Variants in C8orf34 observed in about 807,000 individuals in gnomAD.
C8orf34 encodes the protein chromosome 8 open reading frame 34.
Under a neutral mutation model 68.3 loss-of-function variants are expected in C8orf34, and 65 were observed. The observed-to-expected ratio is 0.95, with a 90% CI of 0.78 to 1.17. C8orf34 has a LOEUF of 1.17. Among genes scored for constraint, C8orf34 ranks in the 50% most tolerant of loss-of-function variants. The probability of loss-of-function intolerance (pLI) is 0.00; values close to 1 mark genes in which losing one functional copy is unlikely to be tolerated. For missense variants in C8orf34, 664 were observed against 655.4 expected (o/e 1.01, Z -0.14); for synonymous variants, 244 against 241.2 (o/e 1.01, Z -0.11).
At chr8:68,544,900 A>G (rs896193856) in intron 7 of C8orf34, among the ~76,000 whole-genome samples, 2 of 152,200 alleles carry the variant, frequency 1.3e-5, no homozygotes, top group Middle Eastern at 3.2e-3. Flanking sequence ...GGTCAGTGCA[A>G]CATACAAAAT....
At position 68,354,864 on chromosome 8, in the gene C8orf34, A is replaced by T. The variant is rs115194024; in HGVS notation, c.327+23525A>T. Among the ~76,000 whole-genome samples the T allele has an allele frequency of 6.5e-3, 986 of 152,254 alleles. 10 individuals carry two copies. Among genetic ancestry groups the T allele is most frequent in the African/African-American group, 0.022 (914 of 41,550 alleles). The stretch of plus-strand genomic sequence containing the variant: ...GTGCATCTGTGCAATAGCCCTGTAC[A>T]GATGCACAGTGTACAGATACTGTAG... On this transcript the variant is annotated intron_variant, in intron 1 of 13. Coordinates refer to ENST00000518698, the MANE Select transcript of C8orf34 (RefSeq NM_052958.4).
At chr8:68,612,709 AT>A (rs1377749525) in intron 7 of C8orf34, among the ~76,000 whole-genome samples, 2 of 152,154 alleles carry the variant, frequency 1.3e-5, no homozygotes, top group African/African-American at 2.4e-5. Context: ...AGAAAATAAA[AT>A]ATCAATGAAA....
chr8:68,767,640 T>A (rs1823219164), intron 10 of C8orf34, among the ~76,000 whole-genome samples: 1 of 152,230 alleles, frequency 6.6e-6, no homozygotes, highest in African/African-American at 2.4e-5. Context: ...CATTCATGCA[T>A]GCATTCATTC....
chr8:68,652,728 T>C (rs2130783320), intron 8 of C8orf34, among the ~76,000 whole-genome samples: 1 of 152,324 alleles, frequency 6.6e-6, no homozygotes, highest in Non-Finnish European at 1.5e-5. Context: ...TCTTAAGTGC[T>C]TTCTAATATA....
chr8:68,428,322 A>G (rs1010259386), intron 1 of C8orf34, among the ~76,000 whole-genome samples: 23 of 152,080 alleles, frequency 1.5e-4, no homozygotes, highest in African/African-American at 5.6e-4. Flanking sequence ...ATCTAAATGC[A>G]TGCTAATGGT....
chr8:68,587,160 C>T (rs1817234054), intron 7 of C8orf34, among the ~76,000 whole-genome samples: 1 of 152,044 alleles, frequency 6.6e-6, no homozygotes, highest in Admixed American at 6.6e-5. Flanking sequence ...GACCTTGGGA[C>T]AATTACTCAT....
intron 8 of C8orf34, among the ~76,000 whole-genome samples, chr8:68,661,104 G>A (rs779033566): frequency 5.9e-5 from 9 of 152,318 alleles, no homozygotes; most frequent in African/African-American, 1.2e-4. Flanking sequence ...AGCTGGCCAC[G>A]CCGGGGCCTT....
At chr8:68,647,003 C>A (rs1172197729) in intron 8 of C8orf34, among the ~76,000 whole-genome samples, 2 of 152,174 alleles carry the variant, frequency 1.3e-5, no homozygotes, top group Non-Finnish European at 2.9e-5. Flanking sequence ...CTGAATAGAG[C>A]CAACCCACAG....
intron 8 of C8orf34, among the ~76,000 whole-genome samples, chr8:68,685,806 G>A (rs1820498233): frequency 6.6e-6 from 1 of 151,880 alleles, no homozygotes; most frequent in Admixed American, 6.6e-5. Context: ...AGCCTGGGGA[G>A]GTTGAGGCTG....
chr8:68,373,363 A>G (rs1312504417), intron 1 of C8orf34, among the ~76,000 whole-genome samples: 1 of 152,176 alleles, frequency 6.6e-6, no homozygotes, highest in Non-Finnish European at 1.5e-5. Context: ...AGATGGGGGA[A>G]AAGGGAAGAG....
chr8:68,371,789 GTGA>G (rs1362553537), intron 1 of C8orf34, among the ~76,000 whole-genome samples: 9 of 151,978 alleles, frequency 5.9e-5, no homozygotes, highest in African/African-American at 2.2e-4. Context: ...TAGTAGAGAG[GTGA>G]TTTCACCATG....
chr8:68,333,858 G>T (rs549091388), intron 1 of C8orf34, among the ~76,000 whole-genome samples: 1 of 152,322 alleles, frequency 6.6e-6, no homozygotes, highest in South Asian at 2.1e-4. Flanking sequence ...GTTGTGTTGA[G>T]TCAGTGTAGC....
intron 7 of C8orf34, among the ~76,000 whole-genome samples, chr8:68,621,858 T>C (rs989882173): frequency 2.6e-5 from 4 of 152,216 alleles, no homozygotes; most frequent in Non-Finnish European, 2.9e-5. Context: ...TATAGCTGTG[T>C]AATAAATGAT....
rs540428236 is a variant in C8orf34 at position 68,779,239 on chromosome 8, C to T, written c.1455+2790C>T. Among the ~76,000 whole-genome samples, 731 of 149,174 alleles carry T rather than the reference C, an allele frequency of 4.9e-3. 3 individuals are homozygous for T. Among genetic ancestry groups the T allele is most frequent in the Non-Finnish European group, 7.9e-3 (531 of 67,512 alleles). ...CACACACACACACACACTACCCAGACGAATAACTGGGAAGCAGCGTAGTAT... is the reference window on the plus strand; with the variant it reads ...CACACACACACACACACTACCCAGATGAATAACTGGGAAGCAGCGTAGTAT... On this transcript the variant is annotated intron_variant, in intron 11 of 13. Transcript: ENST00000518698.
chr8:68,566,746 G>A (rs1209853225), intron 7 of C8orf34, among the ~76,000 whole-genome samples: 1 of 152,184 alleles, frequency 6.6e-6, no homozygotes, highest in Non-Finnish European at 1.5e-5. Context: ...TCAGCAATAA[G>A]GCGTTGTGCT....
chr8:68,404,860 C>CT (rs1208060744), intron 1 of C8orf34, among the ~76,000 whole-genome samples: 1 of 151,710 alleles, frequency 6.6e-6, no homozygotes, highest in Admixed American at 6.6e-5. Flanking sequence ...TATGTGGGCT[C>CT]TTTTTTTGAA....
chr8:68,586,262 A>G (rs1033078722), intron 7 of C8orf34, among the ~76,000 whole-genome samples: 4 of 152,182 alleles, frequency 2.6e-5, no homozygotes, highest in African/African-American at 9.6e-5. Context: ...CAAAGAAAAT[A>G]TGCACTTACA....
At chr8:68,776,571 T>C (rs565265566) in intron 11 of C8orf34, 122 bp downstream of exon 11, 4 of 700,604 alleles carry the variant, frequency 5.7e-6, no homozygotes, top group Non-Finnish European at 9.5e-6. Context: ...TCAATGGTCA[T>C]GTCCACAAAA....
At chr8:68,805,961 T>C (rs1362671204) in intron 12 of C8orf34, among the ~76,000 whole-genome samples, 3 of 152,124 alleles carry the variant, frequency 2.0e-5, no homozygotes, top group Admixed American at 6.5e-5. Context: ...GTTATTGCTC[T>C]TTTATTCTAT....
Sources: allele counts gnomAD v4.1 joint callset (sites outside exome capture counted in the v4.1 genomes callset), GRCh38; gene constraint gnomAD v4.1.1; transcripts MANE v1.5; gene names NCBI Gene and HGNC (gene_info 2026-07-23, HGNC 2026-07-21).